HDAC4: variants seen among roughly 807,000 people sequenced by gnomAD.
The protein encoded by HDAC4 is histone deacetylase A.
A neutral mutation model predicts 135.1 loss-of-function variants in HDAC4; 16 were observed. The observed-to-expected ratio is 0.12, with a 90% CI of 0.08 to 0.18. HDAC4 has a LOEUF of 0.18. Among genes scored for constraint, HDAC4 ranks in the 10% least tolerant of loss-of-function variants. The pLI, the probability that HDAC4 is intolerant of heterozygous loss-of-function variation, is 1.00. For synonymous variants in HDAC4, 685 were observed against 653.4 expected (o/e 1.05, Z -0.74); for missense variants, 1,143 against 1,511.8 (o/e 0.76, Z 4.05).
chr2:239,350,757 C>A (rs1391564945), intron 2 of HDAC4, among the ~76,000 whole-genome samples: 2 of 152,176 alleles, frequency 1.3e-5, no homozygotes, highest in African/African-American at 4.8e-5. Context: ...CCACCCTGAC[C>A]TTCCGAAGTG....
At chr2:239,302,657 G>A (rs2125631126) in intron 2 of HDAC4, among the ~76,000 whole-genome samples, 1 of 152,238 alleles carries the variant, frequency 6.6e-6, no homozygotes, top group Middle Eastern at 3.4e-3. Flanking sequence ...CTCAACCCTC[G>A]AGCCAGGACC....
rs139279358 is a variant in HDAC4, at chr2:239,262,491, C to G, written c.23-25827G>C. Among the ~76,000 whole-genome samples, 310 of 152,300 alleles carry G rather than the reference C, an allele frequency of 2.0e-3. 2 individuals are homozygous for G. The Middle Eastern group carries it at 0.024, about 12-fold the overall frequency. ...CAGACGAGGATCTTCTCAAATCACC[C>G]TTGCCTTGTTTGCCCAGGTCCGAGA... On this transcript the variant is annotated intron_variant, in intron 2 of 26. Coordinates refer to ENST00000543185, the MANE Select transcript of HDAC4 (RefSeq NM_001378414.1). This position sits in a 1 kb window ranked among gnomAD's most constrained non-coding sequence, Gnocchi z 4.1.
intron 2 of HDAC4, among the ~76,000 whole-genome samples, chr2:239,276,963 C>T (rs538851694): frequency 2.6e-5 from 4 of 152,290 alleles, no homozygotes; most frequent in Admixed American, 2.0e-4. Flanking sequence ...GAACACCATT[C>T]GAGAGTCAGC....
intron 3 of HDAC4, among the ~76,000 whole-genome samples, chr2:239,199,106 TGCCCCCC>T (rs2045590307): frequency 3.0e-5 from 1 of 33,720 alleles, no homozygotes; most frequent in Non-Finnish European, 6.6e-5. Flanking sequence ...TCCTGCTTCC[TGCCCCCC>T]ACCACCCCCA....
At chr2:239,150,183 AG>A (rs1427701537) in intron 7 of HDAC4, among the ~76,000 whole-genome samples, 1 of 152,226 alleles carries the variant, frequency 6.6e-6, no homozygotes, top group Non-Finnish European at 1.5e-5. Flanking sequence ...AAGACAACTC[AG>A]ATACATACAG....
chr2:239,373,485 T>G (rs1694779293), intron 1 of HDAC4, among the ~76,000 whole-genome samples: 1 of 150,298 alleles, frequency 6.7e-6, no homozygotes, highest in South Asian at 2.1e-4. Context: ...TTTGTTTGTT[T>G]TGAGACAGAG....
chr2:239,285,092 C>CA lies in HDAC4; in HGVS notation c.23-48429dup, dbSNP rs566785574. ...AAATACATCCCACCCCACACCTAGA[C>CA]AATCTACAGTCTACCTTCATGGCAA... On this transcript the variant is annotated intron_variant, in intron 2 of 26. Coordinates refer to ENST00000543185, the MANE Select transcript of HDAC4 (RefSeq NM_001378414.1). This position sits in a 1 kb window ranked among gnomAD's most constrained non-coding sequence, Gnocchi z 4.5. 9.3e-4 allele frequency among the ~76,000 whole-genome samples: 142 copies of CA among 152,360 alleles called. 1 individual carries two copies. The highest frequency in any genetic ancestry group is 2.9e-3 in the African/African-American group (122 of 41,594).
intron 2 of HDAC4, among the ~76,000 whole-genome samples, chr2:239,347,977 T>A (rs963726147): frequency 4.1e-5 from 6 of 146,680 alleles, no homozygotes; most frequent in Non-Finnish European, 7.5e-5. Context: ...TCCCAGCAAA[T>A]GCACTGCTTC....
intron 24 of HDAC4, among the ~76,000 whole-genome samples, chr2:239,060,995 T>C (rs1359280002): frequency 6.6e-6 from 1 of 152,258 alleles, no homozygotes; most frequent in Non-Finnish European, 1.5e-5. Flanking sequence ...GGCTCTGTCT[T>C]GCTGAAAGTC....
intron 22 of HDAC4, among the ~76,000 whole-genome samples, chr2:239,080,495 C>G (rs2035205807): frequency 6.6e-6 from 1 of 152,208 alleles, no homozygotes; most frequent in Admixed American, 6.5e-5. Flanking sequence ...CTGCGCTGCT[C>G]AGCATCCCAT....
chr2:239,152,486 A>G (rs888244445), intron 7 of HDAC4, among the ~76,000 whole-genome samples: 1 of 152,188 alleles, frequency 6.6e-6, no homozygotes, highest in Admixed American at 6.5e-5. Context: ...CCTGCTGCCA[A>G]TCTCCCAGGA....
chr2:239,153,097 A>C lies in HDAC4; in HGVS notation c.733+3555T>G, dbSNP rs181236020. 5.8e-3 allele frequency among the ~76,000 whole-genome samples: 885 copies of C among 152,310 alleles called. 3 individuals are homozygous for C. Among genetic ancestry groups the C allele is most frequent in the South Asian group, 0.015 (74 of 4,832 alleles). Reference sequence around the variant, plus strand: ...GGTGCAGGCGATGTGAATGCCCAGAATATGCCCAAGCTCCGAATAGGAGTC... The same window carrying C: ...GGTGCAGGCGATGTGAATGCCCAGACTATGCCCAAGCTCCGAATAGGAGTC... On this transcript the variant is annotated intron_variant, in intron 7 of 26. Transcript: ENST00000543185.
chr2:239,145,185 G>A (rs1027781335), intron 7 of HDAC4, among the ~76,000 whole-genome samples: 1 of 152,232 alleles, frequency 6.6e-6, no homozygotes, highest in African/African-American at 2.4e-5. Flanking sequence ...GCTGGGCCCA[G>A]GGATGTGAGG....
chr2:239,331,145 G>C lies in HDAC4; in HGVS notation c.22+21533C>G, dbSNP rs568663318. Among the ~76,000 whole-genome samples the C allele has an allele frequency of 6.6e-6, 1 of 152,352 alleles. No homozygotes were observed. Among genetic ancestry groups the C allele is most frequent in the South Asian group, 2.1e-4 (1 of 4,830 alleles). Reference sequence around the variant, plus strand: ...AGCCTGCCCAGGAGGAAGCGGGGCTGATGGGCCATCGGAGCAAAGCGCGGC... The same window carrying C: ...AGCCTGCCCAGGAGGAAGCGGGGCTCATGGGCCATCGGAGCAAAGCGCGGC... On this transcript the variant is annotated intron_variant, in intron 2 of 26. Coordinates refer to ENST00000543185, the MANE Select transcript of HDAC4 (RefSeq NM_001378414.1). This position sits in a 1 kb window ranked among gnomAD's most constrained non-coding sequence, Gnocchi z 4.5.
At chr2:239,249,271 C>A (rs894752754) in intron 2 of HDAC4, among the ~76,000 whole-genome samples, 17 of 152,228 alleles carry the variant, frequency 1.1e-4, no homozygotes, top group African/African-American at 4.1e-4. Context: ...TGGTAAGGAC[C>A]TTCCATTCCG....
intron 11 of HDAC4, among the ~76,000 whole-genome samples, chr2:239,127,066 G>A (rs540255265): frequency 1.4e-4 from 22 of 151,786 alleles, no homozygotes; most frequent in Non-Finnish European, 2.8e-4. Flanking sequence ...TGAACAGCAC[G>A]GTGGGAGGGG....
At chr2:239,144,464 G>C in intron 8 of HDAC4, 119 bp downstream of exon 8, 1 of 1,313,630 alleles carries the variant, frequency 7.6e-7, no homozygotes, top group Non-Finnish European at 1.1e-6. Flanking sequence ...GACCACACTG[G>C]GGGTTGACAG....
At chr2:239,221,969 C>T (rs541208690) in intron 3 of HDAC4, among the ~76,000 whole-genome samples, 1 of 152,210 alleles carries the variant, frequency 6.6e-6, no homozygotes, top group Non-Finnish European at 1.5e-5. Flanking sequence ...TACTCAAAAA[C>T]GTATTCCAAA....
chr2:239,382,786 G>A (rs979976534), intron 1 of HDAC4, among the ~76,000 whole-genome samples: 3 of 151,530 alleles, frequency 2.0e-5, no homozygotes, highest in Admixed American at 2.0e-4. Context: ...GTGCAATGTT[G>A]CGGTCCCGGC....
Sources: gnomAD v4.1 joint callset for allele counts (sites outside exome capture counted in the v4.1 genomes callset) on GRCh38, gnomAD v4.1.1 for gene constraint, Gnocchi (gnomAD v3.1) non-coding constraint, MANE v1.5 for transcripts, NCBI Gene and HGNC (gene_info 2026-07-23, HGNC 2026-07-21) for gene names.